The following CDK5 variants were observed in gnomAD, a reference collection of about 807,000 sequenced individuals.
CDK5 encodes cyclin-dependent kinase 5.
In CDK5, 18 loss-of-function variants were observed where a neutral mutation model predicts 44.6. The ratio of observed to expected loss-of-function variants is 0.40; its 90% CI spans 0.28 to 0.60. The LOEUF is 0.60. Among genes scored for constraint, CDK5 ranks in the 20% least tolerant of loss-of-function variants. CDK5 has a pLI of 0.38. For synonymous variants in CDK5, 143 were observed against 152.8 expected (o/e 0.94, Z 0.47); for missense variants, 198 against 368.1 (o/e 0.54, Z 3.78).
In CDK5 at chr7:151,054,346, G is replaced by C. The variant is rs868305943; in HGVS notation, c.712-54C>G. 6.2e-7 allele frequency: 1 copy of C among 1,610,810 alleles called. No homozygotes were observed. Among genetic ancestry groups the C allele is most frequent in the African/African-American group, 1.3e-5 (1 of 74,794 alleles). ...GAGGTAGGGGGAGGGGGATGGAGGC[G>C]CTAGGAATGTGAAACGAGTGACCCT... On this transcript the variant is annotated intron_variant, in intron 10 of 11. Transcript: ENST00000485972. The surrounding 1 kb of genome is among the most constrained non-coding windows in gnomAD (Gnocchi z 5.7).
In CDK5 at chr7:151,055,109, C is replaced by G. The variant is rs1242772343; in HGVS notation, c.581-13G>C. The G allele has an allele frequency of 6.2e-7, 1 of 1,608,598 alleles. No individual in the cohort carries two copies. The highest frequency in any genetic ancestry group is 2.2e-5 in the East Asian group (1 of 44,868). On this transcript the variant is annotated splice_polypyrimidine_tract_variant and intron_variant, in intron 8 of 11. Coordinates refer to ENST00000485972, the MANE Select transcript of CDK5 (RefSeq NM_004935.4). Reference sequence around the variant, plus strand: ...GCATTGGCCAGCTCTGGGGGATAGACAGGGGGCTAAGATGTGACATGTGAA... The same window carrying G: ...GCATTGGCCAGCTCTGGGGGATAGAGAGGGGGCTAAGATGTGACATGTGAA...
Position 151,056,123 on chromosome 7 carries a change from T to C in CDK5, c.313-275A>G, listed in dbSNP as rs1796888366. On this transcript the variant is annotated intron_variant, in intron 5 of 11. Coordinates refer to ENST00000485972, the MANE Select transcript of CDK5 (RefSeq NM_004935.4). The surrounding 1 kb of genome is among the most constrained non-coding windows in gnomAD (Gnocchi z 4.7). ...AGGTGGATCCTAGATCCGGCCTAGA[T>C]CCCAGCCCATGCTGATCTTCCCTTC... 1.8e-6 allele frequency: 1 copy of C among 544,080 alleles called. No homozygotes were observed. The allele number at this position is 544,080 out of a possible 1,614,324, so 33.7% of individuals were successfully genotyped here. A position where few individuals can be genotyped will look rare whatever the true frequency, so the allele number is the denominator to read the frequency against.
Position 151,057,215 on chromosome 7 carries a change from A to C in CDK5, c.38-55T>G. The C allele has an allele frequency of 7.6e-7, 1 of 1,310,778 alleles. No individual in the cohort carries two copies. Among genetic ancestry groups the C allele is most frequent in the East Asian group, 2.3e-5 (1 of 43,444 alleles). 81.2% of individuals were successfully genotyped at this position (1,310,778 alleles called of 1,614,324 possible). On this transcript the variant is annotated intron_variant, in intron 1 of 11. Coordinates refer to ENST00000485972, the MANE Select transcript of CDK5 (RefSeq NM_004935.4). The surrounding 1 kb of genome is among the most constrained non-coding windows in gnomAD (Gnocchi z 5.2). ...AGGATGCGGCACTCTTCCCTAAGCC[A>C]GGAAATGCCTCCTGAGAGAGGTGAA...
rs1584974777 is a variant in CDK5, at chr7:151,056,913, G to A, written c.189C>T (p.Ile63=). The A allele has an allele frequency of 1.2e-6, 2 of 1,610,902 alleles. No homozygotes were observed. Among genetic ancestry groups the A allele is most frequent in the Middle Eastern group, 1.6e-4 (1 of 6,062 alleles). The part of the protein sequence containing the change: ...CLLKELKHKN[I]VRLHDVLHSD... Reference sequence around the variant, plus strand: ...AGCACCCGCCTCCCGCACACCTGACGATGTTCTTGTGCTTCAGCTCCTTGA... The same window carrying A: ...AGCACCCGCCTCCCGCACACCTGACAATGTTCTTGTGCTTCAGCTCCTTGA... Residue 63 remains isoleucine, a synonymous_variant, in exon 3 of 12, where the codon ATC becomes ATT. Coordinates refer to ENST00000485972, the MANE Select transcript of CDK5 (RefSeq NM_004935.4). This position sits in a 1 kb window ranked among gnomAD's most constrained non-coding sequence, Gnocchi z 4.7.
chr7:151,057,529 TTGTCCA>T lies in CDK5; in HGVS notation c.37+277_37+282del. 2 of 598,848 alleles carry T rather than the reference TTGTCCA, an allele frequency of 3.3e-6. No individual in the cohort carries two copies. The highest frequency in any genetic ancestry group is 5.6e-5 in the East Asian group (2 of 35,692). The allele number at this position is 598,848 out of a possible 1,614,324, so 37.1% of individuals were successfully genotyped here. A position where few individuals can be genotyped will look rare whatever the true frequency, so the allele number is the denominator to read the frequency against. Reference sequence around the variant, plus strand: ...AACGAGGCTGGGGGTCGGGGTGAGGTTGTCCAAGTGCTGCTGAGGCTGGGGTGAGAA... The same window carrying T: ...AACGAGGCTGGGGGTCGGGGTGAGGTAGTGCTGCTGAGGCTGGGGTGAGAA... On this transcript the variant is annotated intron_variant, in intron 1 of 11. Coordinates refer to ENST00000485972, the MANE Select transcript of CDK5 (RefSeq NM_004935.4). This position sits in a 1 kb window ranked among gnomAD's most constrained non-coding sequence, Gnocchi z 5.2.
chr7:151,053,934 C>G lies in CDK5; in HGVS notation c.*75G>C, dbSNP rs1160633677. The G allele has an allele frequency of 3.0e-6, 4 of 1,320,758 alleles. No homozygotes were observed. Among genetic ancestry groups the G allele is most frequent in the Non-Finnish European group, 4.2e-6 (4 of 950,900 alleles). The allele number at this position is 1,320,758 out of a possible 1,614,324, so 81.8% of individuals were successfully genotyped here. ...TGCTGGAGCACAGCGCACCAGGCAC[C>G]CCCACTGTCTCACCCCTCTCAAGAG... is the stretch of plus-strand genomic sequence containing the variant. On this transcript the variant is annotated 3_prime_UTR_variant, in exon 12 of 12. Transcript: ENST00000485972.
In CDK5 at chr7:151,057,286, G is replaced by T; in HGVS notation, c.38-126C>A. On this transcript the variant is annotated intron_variant, in intron 1 of 11. Transcript: ENST00000485972. The surrounding 1 kb of genome is among the most constrained non-coding windows in gnomAD (Gnocchi z 5.2). ...GGGAAGGGATTCAGGGTGAAGGTAG[G>T]TTGGTGAGCTTTGTGAGTGAGGATG... 1 of 806,578 alleles carries T rather than the reference G, an allele frequency of 1.2e-6. No homozygotes were observed. The highest frequency in any genetic ancestry group is 2.2e-6 in the Non-Finnish European group (1 of 458,912). The allele number at this position is 806,578 out of a possible 1,614,324, so 50.0% of individuals were successfully genotyped here. A position where few individuals can be genotyped will look rare whatever the true frequency, so the allele number is the denominator to read the frequency against.
Position 151,054,741 on chromosome 7 carries a change from C to T in CDK5, c.651-276G>A, listed in dbSNP as rs553484800. 6.6e-6 allele frequency among the ~76,000 whole-genome samples: 1 copy of T among 152,314 alleles called. No individual in the cohort carries two copies. The highest frequency in any genetic ancestry group is 2.4e-5 in the African/African-American group (1 of 41,560). ...CTGCTCCCACAAAATGTGTCCTGTTCTCTTTGGCTCCTTCATCCTGGCATC... is the reference window on the plus strand; with the variant it reads ...CTGCTCCCACAAAATGTGTCCTGTTTTCTTTGGCTCCTTCATCCTGGCATC... On this transcript the variant is annotated intron_variant, in intron 9 of 11. Transcript: ENST00000485972. The surrounding 1 kb of genome is among the most constrained non-coding windows in gnomAD (Gnocchi z 5.7).
rs1796882377 is a variant in CDK5, at chr7:151,055,805, C to T, written c.356G>A (p.Ser119Asn). 9.3e-6 allele frequency: 15 copies of T among 1,612,534 alleles called. No homozygotes were observed. In the East Asian group the frequency reaches 3.3e-4, roughly 36 times the overall value. ...CAGGTCCCTGTGTAGCACATTGCGG[C>T]TATGACAGAATCCCAGCCCTTTTAG... is the stretch of plus-strand genomic sequence containing the variant. ...QLLKGLGFCH[S>N]RNVLHRDLKP... The change falls in exon 6 of 12, where the codon AGC becomes AAC. Residue 119 changes from serine to asparagine, a missense_variant. Coordinates refer to ENST00000485972, the MANE Select transcript of CDK5 (RefSeq NM_004935.4).
rs1463246352 is a variant in CDK5, at chr7:151,055,437, G to A, written c.484-64C>T. The A allele has an allele frequency of 7.7e-6, 12 of 1,552,020 alleles. No homozygotes were observed. The East Asian group carries it at 2.7e-4, about 35-fold the overall frequency. ...AGGACTGGGGAGGAGGTTTGAGGAGGAGGCTCAGAGAGGAGAGGAAAATAA... is the reference window on the plus strand; with the variant it reads ...AGGACTGGGGAGGAGGTTTGAGGAGAAGGCTCAGAGAGGAGAGGAAAATAA... On this transcript the variant is annotated intron_variant, in intron 7 of 11. Transcript: ENST00000485972.
rs1013824690 is a variant in CDK5 at position 151,057,759 on chromosome 7, T to A, written c.37+53A>T. ...GTAAGGGAGCCAGGGCTTCAAGGAATGCCGAAGGATCTGCAGAGGAGCTCT... is the reference window on the plus strand; with the variant it reads ...GTAAGGGAGCCAGGGCTTCAAGGAAAGCCGAAGGATCTGCAGAGGAGCTCT... On this transcript the variant is annotated intron_variant, in intron 1 of 11. Transcript: ENST00000485972. This position sits in a 1 kb window ranked among gnomAD's most constrained non-coding sequence, Gnocchi z 5.2. 15 of 1,577,448 alleles carry A rather than the reference T, an allele frequency of 9.5e-6. No homozygotes were observed. The highest frequency in any genetic ancestry group is 1.3e-5 in the Non-Finnish European group (15 of 1,155,932).
At position 151,057,345 on chromosome 7, in the gene CDK5, G is replaced by C. The variant is rs554201983; in HGVS notation, c.38-185C>G. ...GGGGAGGGAGGAGAAGGTGCCCACC[G>C]AGGCTCCAGGGGCTCGGCAGGAGGG... On this transcript the variant is annotated intron_variant, in intron 1 of 11. Transcript: ENST00000485972. This position sits in a 1 kb window ranked among gnomAD's most constrained non-coding sequence, Gnocchi z 5.2. The C allele has an allele frequency of 4.7e-6, 3 of 638,422 alleles. No homozygotes were observed. Among genetic ancestry groups the C allele is most frequent in the Non-Finnish European group, 8.5e-6 (3 of 354,310 alleles). The allele number at this position is 638,422 out of a possible 1,614,324, so 39.5% of individuals were successfully genotyped here. A position where few individuals can be genotyped will look rare whatever the true frequency, so the allele number is the denominator to read the frequency against.
In CDK5 at chr7:151,056,536, C is replaced by A; in HGVS notation, c.312+44G>T. On this transcript the variant is annotated intron_variant, in intron 5 of 11. Coordinates refer to ENST00000485972, the MANE Select transcript of CDK5 (RefSeq NM_004935.4). This position sits in a 1 kb window ranked among gnomAD's most constrained non-coding sequence, Gnocchi z 4.7. ...AAGGGGTGCTTACACCGAATGCAGA[C>A]TCCGACCCCAGCCTGAGGGGTCCCC... The A allele has an allele frequency of 6.3e-7, 1 of 1,577,496 alleles. No homozygotes were observed. The highest frequency in any genetic ancestry group is 1.1e-5 in the South Asian group (1 of 88,364).
Position 151,056,355 on chromosome 7 carries a change from A to G in CDK5, c.312+225T>C. 1.7e-6 allele frequency: 1 copy of G among 595,898 alleles called. No individual in the cohort carries two copies. Among genetic ancestry groups the G allele is most frequent in the East Asian group, 2.8e-5 (1 of 36,234 alleles). The allele number at this position is 595,898 out of a possible 1,614,324, so 36.9% of individuals were successfully genotyped here. ...CCTCATTTTCTCATCTCTCGAGTGT[A>G]AATAATATCACTGACATCAGAATGA... is the stretch of plus-strand genomic sequence containing the variant. On this transcript the variant is annotated intron_variant, in intron 5 of 11. Transcript: ENST00000485972. This position sits in a 1 kb window ranked among gnomAD's most constrained non-coding sequence, Gnocchi z 4.7.
rs779010975 is a variant in CDK5, at chr7:151,056,625, C to T, written c.267G>A (p.Lys89=). The part of the protein sequence containing the change: ...VFEFCDQDLK[K]YFDSCNGDLD... ...GGTCACCATTGCAACTGTCAAAATA[C>T]TTCTTCAGGTCCTGAAAAGGGATAT... The change falls in exon 5 of 12, where the codon AAG becomes AAA. Residue 89 remains lysine, a synonymous_variant. Transcript: ENST00000485972. The surrounding 1 kb of genome is among the most constrained non-coding windows in gnomAD (Gnocchi z 4.7). 7.4e-6 allele frequency: 12 copies of T among 1,612,254 alleles called. No homozygotes were observed. The Admixed American group carries it at 1.8e-4, about 25-fold the overall frequency.
intron 8 of CDK5, 40 bp from the exon 9 acceptor site, chr7:151,055,136 G>T (rs368044523): frequency 4.4e-6 from 7 of 1,594,102 alleles, no homozygotes; most frequent in Non-Finnish European, 6.0e-6. Context: ...ACATGTGAAG[G>T]ACCCCTCACT....
chr7:151,056,493 G>T lies in CDK5; in HGVS notation c.312+87C>A. On this transcript the variant is annotated intron_variant, in intron 5 of 11. Transcript: ENST00000485972. The surrounding 1 kb of genome is among the most constrained non-coding windows in gnomAD (Gnocchi z 4.7). ...AACACCCTAGAGTGTCCCTGTTCAG[G>T]GCCCAAACTTAGAGCCCAAGGGGTG... 8.3e-7 allele frequency: 1 copy of T among 1,198,982 alleles called. No homozygotes were observed. Among genetic ancestry groups the T allele is most frequent in the Non-Finnish European group, 1.2e-6 (1 of 820,012 alleles). 74.3% of individuals were successfully genotyped at this position (1,198,982 alleles called of 1,614,324 possible).
chr7:151,055,195 T>A (rs200162750), intron 8 of CDK5, 82 bp downstream of exon 8: 1 of 1,556,286 alleles, frequency 6.4e-7, no homozygotes, highest in African/African-American at 1.4e-5. Context: ...CCTCCCTCCC[T>A]TCCCCCAGAG....
Position 151,053,963 on chromosome 7 carries a change from G to T in CDK5, c.*46C>A. 1 of 1,502,770 alleles carries T rather than the reference G, an allele frequency of 6.7e-7. No individual in the cohort carries two copies. The highest frequency in any genetic ancestry group is 9.0e-7 in the Non-Finnish European group (1 of 1,105,214). 93.1% of individuals were successfully genotyped at this position (1,502,770 alleles called of 1,614,324 possible). On this transcript the variant is annotated 3_prime_UTR_variant, in exon 12 of 12. Coordinates refer to ENST00000485972, the MANE Select transcript of CDK5 (RefSeq NM_004935.4). ...ACTGTCTCACCCCTCTCAAGAGGGG[G>T]CTTAAATAGGCCAGGCCCCAGCCTG...
Sources: allele counts gnomAD v4.1 joint callset (sites outside exome capture counted in the v4.1 genomes callset), GRCh38; gene constraint gnomAD v4.1.1; non-coding constraint Gnocchi (gnomAD v3.1); transcripts MANE v1.5; gene names NCBI Gene and HGNC (gene_info 2026-07-23, HGNC 2026-07-21).